Variants in SGCD observed in about 807,000 individuals in gnomAD.
SGCD encodes the protein sarcoglycan delta, also known as delta-sarcoglycan.
Under a neutral mutation model 36.6 loss-of-function variants are expected in SGCD, and 18 were observed. The observed-to-expected ratio is 0.49, with a 90% CI of 0.34 to 0.73. The LOEUF (loss-of-function observed/expected upper bound fraction) is 0.73, where lower values mean the gene tolerates loss of function less well. SGCD is among the 30% of genes least tolerant of loss of function. The pLI is 0.01. For synonymous variants in SGCD, 133 were observed against 130.6 expected (o/e 1.02, Z -0.12); for missense variants, 387 against 346.7 (o/e 1.12, Z -0.92).
intron 1 of SGCD, among the ~76,000 whole-genome samples, chr5:156,107,614 T>A (rs988509868): frequency 6.6e-6 from 1 of 152,140 alleles, no homozygotes; most frequent in Non-Finnish European, 1.5e-5. Flanking sequence ...AAATCAAACA[T>A]CTCTTCCATG....
chr5:156,547,441 C>CTTTTTTTTTT (rs398065337), intron 4 of SGCD, among the ~76,000 whole-genome samples: 1 of 145,186 alleles, frequency 6.9e-6, no homozygotes, highest in African/African-American at 2.5e-5. Context: ...GATAATATGA[C>CTTTTTTTTTT]TTTTTTTTTT....
At chr5:156,586,026 T>C (rs1760477506) in intron 4 of SGCD, among the ~76,000 whole-genome samples, 1 of 151,784 alleles carries the variant, frequency 6.6e-6, no homozygotes, top group Non-Finnish European at 1.5e-5. Flanking sequence ...TACATTATTA[T>C]TAACTAAAGT....
At chr5:155,836,123 C>T in the SGCD span, among the ~76,000 whole-genome samples, 1 of 152,186 alleles carries the variant, frequency 6.6e-6, no homozygotes, top group Non-Finnish European at 1.5e-5. Flanking sequence ...TTCCCTTGCT[C>T]ATCCTTCTCT....
intron 3 of SGCD, among the ~76,000 whole-genome samples, chr5:156,358,617 T>A (rs1332983939): frequency 6.6e-6 from 1 of 152,182 alleles, no homozygotes; most frequent in South Asian, 2.1e-4. Context: ...CATGGAGCTA[T>A]CTGTCTAATG....
chr5:156,623,077 A>G (rs1762316979), intron 6 of SGCD, among the ~76,000 whole-genome samples: 1 of 152,120 alleles, frequency 6.6e-6, no homozygotes, highest in Non-Finnish European at 1.5e-5. Context: ...GTATACATAT[A>G]TATTTGTTGT....
At chr5:156,049,298 G>T (rs1354388145) in intron 1 of SGCD, among the ~76,000 whole-genome samples, 1 of 145,716 alleles carries the variant, frequency 6.9e-6, no homozygotes, top group East Asian at 1.9e-4. Flanking sequence ...GGATTGACTT[G>T]GTGATGCGGG....
intron 4 of SGCD, among the ~76,000 whole-genome samples, chr5:156,546,048 C>G (rs1044661899): frequency 6.6e-6 from 1 of 152,142 alleles, no homozygotes; most frequent in Non-Finnish European, 1.5e-5. Context: ...GTCTGAGGGA[C>G]ACACATTTGG....
intron 1 of SGCD, among the ~76,000 whole-genome samples, chr5:155,929,791 C>T (rs768053892): frequency 8.5e-5 from 13 of 152,174 alleles, no homozygotes; most frequent in Non-Finnish European, 1.8e-4. Flanking sequence ...GCAAAATAAT[C>T]ATTCACACAA....
intron 3 of SGCD, among the ~76,000 whole-genome samples, chr5:156,179,211 A>G (rs988834733): frequency 6.6e-6 from 1 of 151,890 alleles, no homozygotes; most frequent in Non-Finnish European, 1.5e-5. Flanking sequence ...CACTATATAC[A>G]TATAGTTTTT....
intron 3 of SGCD, among the ~76,000 whole-genome samples, chr5:156,221,071 A>G (rs917452320): frequency 6.6e-6 from 1 of 152,122 alleles, no homozygotes; most frequent in African/African-American, 2.4e-5. Flanking sequence ...AGATATTTGG[A>G]TGGTAGTCAA....
intron 4 of SGCD, among the ~76,000 whole-genome samples, chr5:156,555,894 T>C (rs1009464613): frequency 6.6e-6 from 1 of 152,094 alleles, no homozygotes; most frequent in Non-Finnish European, 1.5e-5. Context: ...TACAAGTCTT[T>C]TACTTTTTTG....
At chr5:156,727,145 A>G (rs941547291) in intron 7 of SGCD, among the ~76,000 whole-genome samples, 1 of 152,196 alleles carries the variant, frequency 6.6e-6, no homozygotes, top group African/African-American at 2.4e-5. Flanking sequence ...CAAGTTGGGA[A>G]TGTACAGCCA....
At chr5:156,323,937 T>C (rs958822318), upstream of SGCD, among the ~76,000 whole-genome samples, 1 of 152,232 alleles carries the variant, frequency 6.6e-6, no homozygotes, top group Non-Finnish European at 1.5e-5. Flanking sequence ...GTTTGAGCAT[T>C]TACTGTGTGC....
chr5:156,459,225 A>G (rs1400635588), intron 3 of SGCD, among the ~76,000 whole-genome samples: 1 of 152,186 alleles, frequency 6.6e-6, no homozygotes, highest in Non-Finnish European at 1.5e-5. Flanking sequence ...GGCTTACACT[A>G]TTCTGAGTGC....
chr5:156,693,288 A>G (rs961109800), intron 7 of SGCD, among the ~76,000 whole-genome samples: 1 of 152,164 alleles, frequency 6.6e-6, no homozygotes, highest in African/African-American at 2.4e-5. Context: ...GAGGGAAACA[A>G]GTAAGTTTAG....
intron 1 of SGCD, among the ~76,000 whole-genome samples, chr5:155,895,687 CAAAA>C (rs11361236): frequency 7.2e-6 from 1 of 139,546 alleles, no homozygotes; most frequent in African/African-American, 2.7e-5. Flanking sequence ...GTAATGGCAC[CAAAA>C]AAAAAAAAAA....
chr5:156,067,825 C>T (rs1187257680), intron 1 of SGCD, among the ~76,000 whole-genome samples: 2 of 139,948 alleles, frequency 1.4e-5, no homozygotes, highest in African/African-American at 6.3e-5. Context: ...CACACACTGG[C>T]CTGCGCCCAC....
chr5:156,353,788 G>T (rs906643906), intron 3 of SGCD, among the ~76,000 whole-genome samples: 2 of 152,144 alleles, frequency 1.3e-5, no homozygotes, highest in Admixed American at 6.6e-5. Context: ...AAATTGTAAT[G>T]CAGAAAAACA....
intron 4 of SGCD, among the ~76,000 whole-genome samples, chr5:156,582,942 C>G (rs1760342405): frequency 6.6e-6 from 1 of 152,126 alleles, no homozygotes; most frequent in African/African-American, 2.4e-5. Flanking sequence ...TGAGATATTA[C>G]CTTTAAGTTA....
Sources: allele counts gnomAD v4.1 joint callset (sites outside exome capture counted in the v4.1 genomes callset), GRCh38; gene constraint gnomAD v4.1.1; transcripts MANE v1.5; gene names NCBI Gene and HGNC (gene_info 2026-07-23, HGNC 2026-07-21).